MAN1A1: variants seen among roughly 807,000 people sequenced by gnomAD.
MAN1A1 encodes the protein mannosyl-oligosaccharide 1,2-alpha-mannosidase IA.
A neutral mutation model predicts 70.8 loss-of-function variants in MAN1A1; 29 were observed. The ratio of observed to expected loss-of-function variants is 0.41; its 90% CI spans 0.31 to 0.56. The LOEUF is 0.56. Among genes scored for constraint, MAN1A1 ranks in the 20% least tolerant of loss-of-function variants. The pLI, the probability that MAN1A1 is intolerant of heterozygous loss-of-function variation, is 0.29. For missense variants in MAN1A1, 747 were observed against 841.3 expected (o/e 0.89, Z 1.39); for synonymous variants, 349 against 330.1 (o/e 1.06, Z -0.62).
intron 6 of MAN1A1, among the ~76,000 whole-genome samples, chr6:119,207,073 T>C (rs900530744): frequency 2.0e-5 from 3 of 152,238 alleles, no homozygotes; most frequent in Non-Finnish European, 4.4e-5. Flanking sequence ...CATGTATTTG[T>C]TCTCTGCCAT....
intron 6 of MAN1A1, among the ~76,000 whole-genome samples, chr6:119,209,724 G>A (rs1329363667): frequency 6.6e-6 from 1 of 152,154 alleles, no homozygotes; most frequent in Non-Finnish European, 1.5e-5. Flanking sequence ...GGTTTGCACA[G>A]TGCTGATCTT....
At chr6:119,185,844 G>GTTT (rs63362861) in intron 11 of MAN1A1, among the ~76,000 whole-genome samples, 25 of 132,160 alleles carry the variant, frequency 1.9e-4, no homozygotes, top group Admixed American at 1.6e-3. Context: ...TGGCCTCCCA[G>GTTT]TTTTTTTTTT....
intron 2 of MAN1A1, among the ~76,000 whole-genome samples, chr6:119,345,660 TTGAC>T (rs1184634524): frequency 2.6e-5 from 4 of 152,228 alleles, no homozygotes; most frequent in African/African-American, 9.6e-5. Context: ...AAAAATAGTA[TTGAC>T]TGACTTTGAA....
At chr6:119,241,948 ATGTGTGTGTGTGTG>A (rs879398838) in intron 6 of MAN1A1, among the ~76,000 whole-genome samples, 6 of 26,326 alleles carry the variant, frequency 2.3e-4, no homozygotes, top group African/African-American at 4.4e-4. Context: ...GTGTGTATGT[ATGTGTGTGTGTGTG>A]TGTGTGTGTG....
chr6:119,238,026 T>C (rs1184005043), intron 6 of MAN1A1, among the ~76,000 whole-genome samples: 1 of 152,228 alleles, frequency 6.6e-6, no homozygotes, highest in Non-Finnish European at 1.5e-5. Context: ...GCCTTTTCTT[T>C]TCTGCTGATT....
intron 2 of MAN1A1, among the ~76,000 whole-genome samples, chr6:119,318,616 A>G (rs1322216711): frequency 6.6e-6 from 1 of 152,220 alleles, no homozygotes; most frequent in Non-Finnish European, 1.5e-5. Context: ...ATGCAAAACC[A>G]ACTTCCAATC....
chr6:119,281,170 A>C (rs1034881735), intron 5 of MAN1A1, among the ~76,000 whole-genome samples: 1 of 152,246 alleles, frequency 6.6e-6, no homozygotes, highest in East Asian at 1.9e-4. Context: ...TGTGTTAGTG[A>C]AGATTCATAT....
intron 5 of MAN1A1, among the ~76,000 whole-genome samples, chr6:119,249,874 C>T (rs1276261965): frequency 1.3e-5 from 2 of 148,316 alleles, no homozygotes; most frequent in African/African-American, 5.2e-5. Flanking sequence ...ATCTAACTCT[C>T]ATTTAGTAGT....
At chr6:119,279,596 C>G (rs1776174572) in intron 5 of MAN1A1, among the ~76,000 whole-genome samples, 1 of 132,692 alleles carries the variant, frequency 7.5e-6, no homozygotes, top group Admixed American at 7.5e-5. Flanking sequence ...TCAAACATCT[C>G]TCCTCTTCCC....
At chr6:119,249,685 C>T (rs926702180) in intron 5 of MAN1A1, among the ~76,000 whole-genome samples, 5 of 152,160 alleles carry the variant, frequency 3.3e-5, no homozygotes, top group Non-Finnish European at 7.3e-5. Flanking sequence ...CAGTGTCTAA[C>T]TCCTGCTCTA....
chr6:119,349,917 C>A (rs1773860688), upstream of MAN1A1, among the ~76,000 whole-genome samples: 1 of 151,806 alleles, frequency 6.6e-6, no homozygotes, highest in Non-Finnish European at 1.5e-5. Context: ...TTACGGGAAG[C>A]GCAGCCTCGG....
At chr6:119,218,254 G>A (rs1352209966) in intron 6 of MAN1A1, among the ~76,000 whole-genome samples, 3 of 151,846 alleles carry the variant, frequency 2.0e-5, no homozygotes, top group Non-Finnish European at 4.4e-5. Flanking sequence ...CCCCATATGT[G>A]TTCTGGGTTC....
intron 6 of MAN1A1, among the ~76,000 whole-genome samples, chr6:119,238,110 T>A (rs1774905766): frequency 6.6e-6 from 1 of 152,180 alleles, no homozygotes; most frequent in Non-Finnish European, 1.5e-5. Flanking sequence ...AATATGTAAT[T>A]CATAATTGAT....
At chr6:119,221,116 C>G (rs995677988) in intron 6 of MAN1A1, among the ~76,000 whole-genome samples, 2 of 150,748 alleles carry the variant, frequency 1.3e-5, no homozygotes, top group Admixed American at 6.6e-5. Flanking sequence ...TTAGCATTAT[C>G]TGAAAAAATT....
chr6:119,320,725 T>C (rs1395593339), intron 2 of MAN1A1, among the ~76,000 whole-genome samples: 1 of 152,126 alleles, frequency 6.6e-6, no homozygotes, highest in African/African-American at 2.4e-5. Flanking sequence ...TCCACTTTCT[T>C]TGAAAAAAGT....
At chr6:119,180,747 C>T (rs1773131346) in intron 11 of MAN1A1, among the ~76,000 whole-genome samples, 1 of 151,390 alleles carries the variant, frequency 6.6e-6, no homozygotes, top group Non-Finnish European at 1.5e-5. Context: ...CTCCTGGGCT[C>T]AAGCGATCTG....
chr6:119,217,452 T>G (rs563781050), intron 6 of MAN1A1, among the ~76,000 whole-genome samples: 19 of 152,222 alleles, frequency 1.2e-4, no homozygotes, highest in Non-Finnish European at 2.4e-4. Flanking sequence ...TGGCTAATTT[T>G]TTGTATTTTA....
Position 119,225,051 on chromosome 6 carries a change from C to CGGGAGGCAGAGGTTGCA in MAN1A1, c.993-20186_993-20170dup, listed in dbSNP as rs1274942001. Among the ~76,000 whole-genome samples, 8 of 151,848 alleles carry CGGGAGGCAGAGGTTGCA rather than the reference C, an allele frequency of 5.3e-5. No homozygotes were observed. In the East Asian group the frequency reaches 7.8e-4, roughly 15 times the overall value. On this transcript the variant is annotated intron_variant, in intron 6 of 12. Coordinates refer to ENST00000368468, the MANE Select transcript of MAN1A1 (RefSeq NM_005907.4). Reference sequence around the variant, plus strand: ...CTGAGGCAGGAGAACTGCTTGAACCCGGGAGGCAGAGGTTGCAGGGAGGCA... The same window carrying CGGGAGGCAGAGGTTGCA: ...CTGAGGCAGGAGAACTGCTTGAACCCGGGAGGCAGAGGTTGCAGGGAGGCAGAGGTTGCAGGGAGGCA...
In MAN1A1 at chr6:119,340,743, G is replaced by C. The variant is rs958419416; in HGVS notation, c.603+7720C>G. On this transcript the variant is annotated intron_variant, in intron 2 of 12. Transcript: ENST00000368468. ...TCCATGCCCTCTCTCATACTAAGTT[G>C]CTAATACTAAACACTCCCACACAAG... Among the ~76,000 whole-genome samples, 7 of 152,248 alleles carry C rather than the reference G, an allele frequency of 4.6e-5. No homozygotes were observed. The South Asian group carries it at 6.2e-4, about 14-fold the overall frequency.
Sources: allele counts gnomAD v4.1 joint callset (sites outside exome capture counted in the v4.1 genomes callset), GRCh38; gene constraint gnomAD v4.1.1; transcripts MANE v1.5; gene names NCBI Gene and HGNC (gene_info 2026-07-23, HGNC 2026-07-21).